Variants in RAD51B observed in about 807,000 individuals in gnomAD.
RAD51B encodes RAD51 paralog B.
In RAD51B, 38 loss-of-function variants were observed where a neutral mutation model predicts 42.2. The observed-to-expected ratio is 0.90, with a 90% CI of 0.70 to 1.18. The LOEUF is 1.18. Among genes scored for constraint, RAD51B ranks in the 50% most tolerant of loss-of-function variants. RAD51B has a pLI of 0.00. For missense variants in RAD51B, 373 were observed against 400.7 expected, an observed-to-expected ratio of 0.93 and a Z score of 0.59; for synonymous variants, 154 against 145.2, an observed-to-expected ratio of 1.06 and a Z score of -0.43.
chr14:67,914,751 C>G (rs1001000451), intron 7 of RAD51B, among the ~76,000 whole-genome samples: 2 of 152,078 alleles, frequency 1.3e-5, no homozygotes, highest in Non-Finnish European at 2.9e-5. Context: ...ATTTGTAACA[C>G]CCAAATTAAT....
intron 9 of RAD51B, among the ~76,000 whole-genome samples, chr14:68,419,132 T>C (rs1240156625): frequency 6.6e-6 from 1 of 152,204 alleles, no homozygotes; most frequent in African/African-American, 2.4e-5. Context: ...CTTACATGGG[T>C]GTTCTTCAGT....
chr14:68,133,956 A>G (rs2077956344), intron 7 of RAD51B, among the ~76,000 whole-genome samples: 1 of 152,152 alleles, frequency 6.6e-6, no homozygotes, highest in Non-Finnish European at 1.5e-5. Context: ...GGAAACCAAT[A>G]TGGGTACAAC....
chr14:67,819,945 T>C (rs1383346978), intron 1 of RAD51B, 92 bp downstream of exon 1: 1 of 152,128 alleles, frequency 6.6e-6, no homozygotes, highest in East Asian at 1.9e-4. Flanking sequence ...GGTTTCGATA[T>C]TGGGGGAGCG....
intron 7 of RAD51B, among the ~76,000 whole-genome samples, chr14:68,153,421 T>C (rs954455002): frequency 8.5e-5 from 13 of 152,342 alleles, no homozygotes; most frequent in African/African-American, 2.9e-4. Flanking sequence ...CACACTGCTT[T>C]CCACAATGGT....
intron 7 of RAD51B, among the ~76,000 whole-genome samples, chr14:67,911,628 GA>G (rs530172898): frequency 3.4e-4 from 52 of 152,206 alleles, no homozygotes; most frequent in Admixed American, 2.9e-3. Flanking sequence ...ACTTTGATAT[GA>G]TTTTTTTCAT....
chr14:67,976,976 C>T (rs887728288), intron 7 of RAD51B, among the ~76,000 whole-genome samples: 11 of 152,194 alleles, frequency 7.2e-5, no homozygotes, highest in Non-Finnish European at 1.5e-4. Flanking sequence ...TGCTCATCAT[C>T]ACTGGCCATC....
downstream of RAD51B, among the ~76,000 whole-genome samples, chr14:68,597,576 G>A (rs1891053905): frequency 6.6e-6 from 1 of 152,154 alleles, no homozygotes; most frequent in African/African-American, 2.4e-5. Context: ...TTACTTGTAA[G>A]TGGGAGTTAA....
intron 2 of RAD51B, among the ~76,000 whole-genome samples, chr14:67,824,205 A>G (rs544837676): frequency 3.3e-5 from 5 of 152,352 alleles, no homozygotes; most frequent in Admixed American, 1.3e-4. Flanking sequence ...GATTACAGGC[A>G]CACACCACTG....
chr14:68,329,585 C>T (rs1347818329), intron 8 of RAD51B, among the ~76,000 whole-genome samples: 2 of 152,260 alleles, frequency 1.3e-5, no homozygotes, highest in African/African-American at 2.4e-5. Flanking sequence ...TGTGTGGTAT[C>T]TGTAATTAAA....
intron 8 of RAD51B, among the ~76,000 whole-genome samples, chr14:68,308,397 C>T (rs2081909072): frequency 6.6e-6 from 1 of 152,090 alleles, no homozygotes; most frequent in Non-Finnish European, 1.5e-5. Context: ...AACATGGATC[C>T]TATTTCTACC....
intron 7 of RAD51B, among the ~76,000 whole-genome samples, chr14:67,979,283 T>C (rs1385179093): frequency 6.6e-6 from 1 of 152,226 alleles, no homozygotes; most frequent in East Asian, 1.9e-4. Context: ...TAAAATATAG[T>C]ATTAAACTCT....
At chr14:67,904,510 C>CT (rs3043929) in intron 7 of RAD51B, among the ~76,000 whole-genome samples, 1,829 of 120,210 alleles carry the variant, frequency 0.015, 36 homozygotes, top group Non-Finnish European at 0.021. Flanking sequence ...GGAATGTTGA[C>CT]TTTTTTTTTT....
At chr14:68,265,801 T>A (rs1482795788) in intron 7 of RAD51B, among the ~76,000 whole-genome samples, 3 of 152,080 alleles carry the variant, frequency 2.0e-5, no homozygotes, top group Non-Finnish European at 4.4e-5. Context: ...AATATAATAA[T>A]ATGATAAATG....
At chr14:67,826,495 G>T (rs2040836998) in intron 3 of RAD51B, among the ~76,000 whole-genome samples, 1 of 152,076 alleles carries the variant, frequency 6.6e-6, no homozygotes, top group Non-Finnish European at 1.5e-5. Context: ...CTAAAATTCT[G>T]TTCGGTGCTT....
At chr14:68,460,453 CA>C (rs889090657) in intron 9 of RAD51B, among the ~76,000 whole-genome samples, 1 of 151,986 alleles carries the variant, frequency 6.6e-6, no homozygotes, top group Non-Finnish European at 1.5e-5. Context: ...GACTCCATCT[CA>C]AAAAAACAAA....
chr14:68,119,096 G>T (rs980865430), intron 7 of RAD51B, among the ~76,000 whole-genome samples: 1 of 151,504 alleles, frequency 6.6e-6, no homozygotes, highest in Non-Finnish European at 1.5e-5. Flanking sequence ...GTACAGGCAC[G>T]TGCCACTCAC....
chr14:68,411,171 T>C (rs1319738612), intron 8 of RAD51B, among the ~76,000 whole-genome samples: 2 of 152,224 alleles, frequency 1.3e-5, no homozygotes, highest in Admixed American at 1.3e-4. Flanking sequence ...GCAACCTCTT[T>C]TTGATATATA....
At chr14:68,248,227 T>A (rs1170377245) in intron 7 of RAD51B, among the ~76,000 whole-genome samples, 1 of 152,250 alleles carries the variant, frequency 6.6e-6, no homozygotes, top group Non-Finnish European at 1.5e-5. Flanking sequence ...ACAGAAACTG[T>A]ACTTTCCTTG....
intron 10 of RAD51B, among the ~76,000 whole-genome samples, chr14:68,493,956 G>T (rs1047945500): frequency 6.6e-6 from 1 of 152,192 alleles, no homozygotes; most frequent in Admixed American, 6.5e-5. Flanking sequence ...GGTTGGAGGA[G>T]CTCGAGGTTC....
Sources: allele counts gnomAD v4.1 joint callset (sites outside exome capture counted in the v4.1 genomes callset), GRCh38; gene constraint gnomAD v4.1.1; transcripts MANE v1.5; gene names NCBI Gene and HGNC (gene_info 2026-07-23, HGNC 2026-07-21).